ERBB4: variants seen among roughly 807,000 people sequenced by gnomAD.
The protein encoded by ERBB4 is receptor tyrosine-protein kinase erbB-4.
Under a neutral mutation model 158.0 loss-of-function variants are expected in ERBB4, and 42 were observed. The ratio of observed to expected loss-of-function variants is 0.27; its 90% CI spans 0.21 to 0.34. The LOEUF (loss-of-function observed/expected upper bound fraction) is 0.34, where lower values mean the gene tolerates loss of function less well. ERBB4 is among the 10% of genes least tolerant of loss of function. The probability of loss-of-function intolerance (pLI) is 1.00; values close to 1 mark genes in which losing one functional copy is unlikely to be tolerated. For missense variants in ERBB4, 1,333 were observed against 1,624.1 expected, an observed-to-expected ratio of 0.82 and a Z score of 3.08; for synonymous variants, 583 against 558.7, an observed-to-expected ratio of 1.04 and a Z score of -0.61.
At chr2:211,685,853 C>G (rs2072543987) in intron 12 of ERBB4, among the ~76,000 whole-genome samples, 1 of 152,112 alleles carries the variant, frequency 6.6e-6, no homozygotes, top group Admixed American at 6.6e-5. Context: ...GTTAAATTTA[C>G]ACCAAAGTAT....
chr2:212,141,220 A>G (rs2080464615), intron 1 of ERBB4, among the ~76,000 whole-genome samples: 5 of 151,994 alleles, frequency 3.3e-5, no homozygotes, highest in Admixed American at 2.6e-4. Context: ...CTTAATTGTT[A>G]TGCATTATAT....
chr2:211,859,305 C>T (rs2106065210), intron 3 of ERBB4, among the ~76,000 whole-genome samples: 1 of 152,244 alleles, frequency 6.6e-6, no homozygotes, highest in Non-Finnish European at 1.5e-5. Flanking sequence ...AGGCAGTTCA[C>T]AAATATATGG....
chr2:212,363,777 G>T (rs1360046042), intron 1 of ERBB4, among the ~76,000 whole-genome samples: 1 of 151,558 alleles, frequency 6.6e-6, no homozygotes, highest in Non-Finnish European at 1.5e-5. Flanking sequence ...CTTCACAATT[G>T]GTAGTGTGAC....
chr2:211,642,959 A>C (rs574534342), intron 16 of ERBB4, among the ~76,000 whole-genome samples: 1 of 152,236 alleles, frequency 6.6e-6, no homozygotes, highest in South Asian at 2.1e-4. Flanking sequence ...TTTCGTAGTA[A>C]TTGGTAAAAT....
At chr2:211,423,372 C>T (rs968452668) in intron 23 of ERBB4, among the ~76,000 whole-genome samples, 3 of 151,894 alleles carry the variant, frequency 2.0e-5, no homozygotes, top group African/African-American at 7.2e-5. Flanking sequence ...TATTCACCTT[C>T]ACAAGTTTGT....
At chr2:211,829,700 A>G (rs2077178633) in intron 3 of ERBB4, among the ~76,000 whole-genome samples, 1 of 152,088 alleles carries the variant, frequency 6.6e-6, no homozygotes, top group African/African-American at 2.4e-5. Flanking sequence ...CAAACTGAAC[A>G]CCTTGAGTTT....
intron 1 of ERBB4, among the ~76,000 whole-genome samples, chr2:212,446,671 C>T (rs1382232364): frequency 2.5e-5 from 3 of 120,720 alleles, no homozygotes; most frequent in Non-Finnish European, 3.5e-5. Flanking sequence ...AGAACCCTGA[C>T]TAATACACCA....
At chr2:211,969,720 T>C (rs1300781305) in intron 2 of ERBB4, among the ~76,000 whole-genome samples, 1 of 152,052 alleles carries the variant, frequency 6.6e-6, no homozygotes, top group Non-Finnish European at 1.5e-5. Context: ...AAAATAGGTA[T>C]TTCTGTGGGG....
chr2:211,705,825 G>C (rs181266003), intron 9 of ERBB4, among the ~76,000 whole-genome samples: 12 of 152,118 alleles, frequency 7.9e-5, no homozygotes, highest in Non-Finnish European at 1.5e-4. Context: ...CCTGGAATTC[G>C]TAAGAAGGAC....
intron 3 of ERBB4, among the ~76,000 whole-genome samples, chr2:211,815,912 T>G (rs2076872598): frequency 6.6e-6 from 1 of 152,182 alleles, no homozygotes; most frequent in African/African-American, 2.4e-5. Context: ...GACGTCAGAC[T>G]CCAGGTTCTT....
chr2:211,980,843 G>C (rs2081771629), intron 2 of ERBB4, among the ~76,000 whole-genome samples: 1 of 151,988 alleles, frequency 6.6e-6, no homozygotes, highest in South Asian at 2.1e-4. Flanking sequence ...ATAGTATAAG[G>C]AAATCCATAT....
intron 3 of ERBB4, among the ~76,000 whole-genome samples, chr2:211,897,606 A>T (rs934754842): frequency 7.9e-5 from 12 of 152,100 alleles, no homozygotes; most frequent in Non-Finnish European, 1.8e-4. Flanking sequence ...CCCTGCCTCA[A>T]CCAGGAAAAA....
intron 1 of ERBB4, among the ~76,000 whole-genome samples, chr2:212,184,300 G>A (rs1409345466): frequency 1.9e-4 from 29 of 151,984 alleles, no homozygotes; most frequent in East Asian, 5.8e-4. Context: ...AGACCCTGCC[G>A]AAAACCCTGT....
chr2:212,014,803 C>T (rs1195181269), intron 2 of ERBB4, among the ~76,000 whole-genome samples: 2 of 151,584 alleles, frequency 1.3e-5, no homozygotes, highest in Non-Finnish European at 2.9e-5. Flanking sequence ...AAAATCATGG[C>T]TGAATGTTGA....
intron 12 of ERBB4, among the ~76,000 whole-genome samples, chr2:211,690,449 G>T (rs1253238904): frequency 6.6e-6 from 1 of 151,992 alleles, no homozygotes; most frequent in Non-Finnish European, 1.5e-5. Context: ...ACCTCTCTTC[G>T]GCTGTCTAAT....
At chr2:211,984,009 A>C (rs1425762934) in intron 2 of ERBB4, among the ~76,000 whole-genome samples, 1 of 152,176 alleles carries the variant, frequency 6.6e-6, no homozygotes, top group Non-Finnish European at 1.5e-5. Flanking sequence ...TAAACAAGAG[A>C]AATGCACTGC....
chr2:212,143,711 T>C (rs1322613185), intron 1 of ERBB4, among the ~76,000 whole-genome samples: 1 of 152,092 alleles, frequency 6.6e-6, no homozygotes, highest in Non-Finnish European at 1.5e-5. Flanking sequence ...TTTCGCACTT[T>C]GTTCCAATGG....
At chr2:211,394,904 A>C (rs1025332281) in intron 25 of ERBB4, among the ~76,000 whole-genome samples, 1 of 152,136 alleles carries the variant, frequency 6.6e-6, no homozygotes, top group African/African-American at 2.4e-5. Flanking sequence ...ACTAAGTCAC[A>C]TGACTTTTAA....
intron 3 of ERBB4, among the ~76,000 whole-genome samples, chr2:211,816,356 C>T (rs2076879583): frequency 6.6e-6 from 1 of 151,664 alleles, no homozygotes; most frequent in Admixed American, 6.6e-5. Context: ...GCCTGGGCAA[C>T]ATGATGAAAC....
Sources: allele counts gnomAD v4.1 joint callset (sites outside exome capture counted in the v4.1 genomes callset), GRCh38; gene constraint gnomAD v4.1.1; transcripts MANE v1.5; gene names NCBI Gene and HGNC (gene_info 2026-07-23, HGNC 2026-07-21).